SERPINB10: variants seen among roughly 807,000 people sequenced by gnomAD.
The protein encoded by SERPINB10 is serpin family B member 10, also known as serpin B10.
A neutral mutation model predicts 39.1 loss-of-function variants in SERPINB10; 35 were observed. The ratio of observed to expected loss-of-function variants is 0.90; its 90% CI spans 0.68 to 1.19. The LOEUF is 1.19. Ranked by LOEUF, SERPINB10 falls within the 50% of genes most tolerant of loss-of-function variation. The probability of loss-of-function intolerance (pLI) is 0.00; values close to 1 mark genes in which losing one functional copy is unlikely to be tolerated. For synonymous variants in SERPINB10, 190 were observed against 158.1 expected (o/e 1.20, Z -1.52); for missense variants, 546 against 460.5 (o/e 1.19, Z -1.70).
Position 63,919,795 on chromosome 18 carries a change from T to G in SERPINB10, c.380T>G (p.Leu127Ter). 1 of 1,590,524 alleles carries G rather than the reference T, an allele frequency of 6.3e-7. No homozygotes were observed. The highest frequency in any genetic ancestry group is 8.6e-7 in the Non-Finnish European group (1 of 1,166,428). ...TTTATCTATGTCTTTCAGAAATATT[T>G]AGAAGACATGAAAACATATTTTGGT... Reference protein sequence around the residue: ...EKTYAFHNKYLEDMKTYFGAE... With the variant: ...EKTYAFHNKY Residue 127 changes from leucine to a stop codon, truncating the protein, a stop_gained, in exon 5 of 8, where the codon TTA becomes TGA. Transcript: ENST00000238508. LOFTEE classifies it high-confidence loss of function.
intron 5 of SERPINB10, among the ~76,000 whole-genome samples, chr18:63,929,302 A>C (rs545065477): frequency 4.1e-4 from 62 of 152,264 alleles, no homozygotes; most frequent in Middle Eastern, 3.4e-3. Context: ...AGAAATTTAA[A>C]ATTTTTGGCA....
At position 63,919,236 on chromosome 18, in the gene SERPINB10, A is replaced by ATTTTTTTTT. The variant is rs397969917; in HGVS notation, c.373-546_373-538dup. Among the ~76,000 whole-genome samples the ATTTTTTTTT allele has an allele frequency of 4.2e-5, 6 of 142,902 alleles. 1 individual carries two copies. The highest frequency in any genetic ancestry group is 7.0e-5 in the Admixed American group (1 of 14,350). The allele number at this position is 142,902 out of a possible 152,430, so 93.7% of individuals were successfully genotyped here. A position where few individuals can be genotyped will look rare whatever the true frequency, so the allele number is the denominator to read the frequency against. On this transcript the variant is annotated intron_variant, in intron 4 of 7. Coordinates refer to ENST00000238508, the MANE Select transcript of SERPINB10 (RefSeq NM_005024.3). ...AGGACCAGGAGGAGGTGAAGGCCTC[A>ATTTTTTTTT]TTTTTTTTTTTTTTGCCTCAGAATG...
intron 4 of SERPINB10, 119 bp downstream of exon 4, chr18:63,918,221 C>T: frequency 9.8e-7 from 1 of 1,018,940 alleles, no homozygotes; most frequent in South Asian, 1.6e-5. Context: ...TCAGTACTTC[C>T]CTGCAAACAA....
chr18:63,920,849 C>T (rs9947504), intron 5 of SERPINB10, among the ~76,000 whole-genome samples: 39,506 of 151,636 alleles, frequency 0.26, 5,803 homozygotes, highest in African/African-American at 0.39. Flanking sequence ...AGCTGGGTTG[C>T]CATTTGTCAC....
chr18:63,924,216 T>C (rs1237473598), intron 5 of SERPINB10, among the ~76,000 whole-genome samples: 1 of 151,968 alleles, frequency 6.6e-6, no homozygotes, highest in African/African-American at 2.4e-5. Flanking sequence ...CAATAACTTG[T>C]CTATGGTCAC....
Position 63,928,027 on chromosome 18 carries a change from G to A in SERPINB10, c.491-2018G>A, listed in dbSNP as rs185401306. Among the ~76,000 whole-genome samples, 199 of 152,068 alleles carry A rather than the reference G, an allele frequency of 1.3e-3. 2 individuals carry two copies. Among genetic ancestry groups the A allele is most frequent in the Admixed American group, 4.8e-3 (73 of 15,268 alleles). Reference sequence around the variant, plus strand: ...TGTCTGGGGTTGATGCTGTTTCCACGGGAGGTAATCACTTGAGAGTTGTAC... The same window carrying A: ...TGTCTGGGGTTGATGCTGTTTCCACAGGAGGTAATCACTTGAGAGTTGTAC... On this transcript the variant is annotated intron_variant, in intron 5 of 7. Transcript: ENST00000238508.
At chr18:63,918,762 A>T (rs556001742) in intron 4 of SERPINB10, among the ~76,000 whole-genome samples, 1 of 152,124 alleles carries the variant, frequency 6.6e-6, no homozygotes, top group East Asian at 1.9e-4. Flanking sequence ...GAGCTTTGTT[A>T]TTACTAAAGA....
chr18:63,922,055 T>C (rs993473359), intron 5 of SERPINB10, among the ~76,000 whole-genome samples: 8 of 151,952 alleles, frequency 5.3e-5, no homozygotes, highest in Non-Finnish European at 1.0e-4. Context: ...CAAAACTAAC[T>C]GCTTATACAT....
chr18:63,930,090 C>T lies in SERPINB10; in HGVS notation c.536C>T (p.Thr179Ile), dbSNP rs1303041165. 1.9e-6 allele frequency: 3 copies of T among 1,613,348 alleles called. No individual in the cohort carries two copies. The highest frequency in any genetic ancestry group is 2.7e-5 in the African/African-American group (2 of 74,882). ...LLPDDSVDST[T>I]RMILVNALYF... The stretch of plus-strand genomic sequence containing the variant: ...CCTGATGACTCTGTGGATTCCACAA[C>T]CAGGATGATTCTGGTGAACGCCCTA... The change falls in exon 6 of 8, where the codon ACC becomes ATC. Residue 179 changes from threonine to isoleucine, a missense_variant. By Grantham distance (89) the Thr-to-Ile change is moderately conservative. Transcript: ENST00000238508.
rs368519005 is a variant in SERPINB10, at chr18:63,915,475, C to G, written c.-9-27C>G. 95 of 1,511,586 alleles carry G rather than the reference C, an allele frequency of 6.3e-5. No individual in the cohort carries two copies. In the African/African-American group the frequency reaches 1.3e-3, roughly 20 times the overall value. The allele number at this position is 1,511,586 out of a possible 1,614,324, so 93.6% of individuals were successfully genotyped here. ...AAGTGGAAATAAATATTAATATGCTCTCTAATTTTTGCTTTATTTTTCTTA... is the reference window on the plus strand; with the variant it reads ...AAGTGGAAATAAATATTAATATGCTGTCTAATTTTTGCTTTATTTTTCTTA... On this transcript the variant is annotated intron_variant, in intron 1 of 7. Coordinates refer to ENST00000238508, the MANE Select transcript of SERPINB10 (RefSeq NM_005024.3).
chr18:63,917,314 T>G (rs1054746846), intron 2 of SERPINB10, 142 bp from the exon 3 acceptor site: 4 of 447,570 alleles, frequency 8.9e-6, no homozygotes, highest in Non-Finnish European at 1.6e-5. Context: ...TTACACACAT[T>G]AAGTCAAGTC....
rs57763825 is a variant in SERPINB10 at position 63,933,796 on chromosome 18, G to T, written c.789+593G>T. Among the ~76,000 whole-genome samples, 864 of 152,292 alleles carry T rather than the reference G, an allele frequency of 5.7e-3. 5 individuals are homozygous for T. Among genetic ancestry groups the T allele is most frequent in the African/African-American group, 0.02 (829 of 41,562 alleles). ...CTGGACACAACTTTTGTCAAACCAT[G>T]CTTCTGAGCAATTTGCATGCCTAAA... On this transcript the variant is annotated intron_variant, in intron 7 of 7. Transcript: ENST00000238508.
chr18:63,917,551 T>C, intron 3 of SERPINB10, 30 bp downstream of exon 3: 1 of 1,280,780 alleles, frequency 7.8e-7, no homozygotes, highest in Non-Finnish European at 1.1e-6. Flanking sequence ...ATATATTTCA[T>C]AATTAAGGAA....
At chr18:63,929,712 C>CAAAAAAAAAAAAAAAAAAAAAAGAA (rs74169990) in intron 5 of SERPINB10, among the ~76,000 whole-genome samples, 1 of 97,348 alleles carries the variant, frequency 1.0e-5, no homozygotes, top group Non-Finnish European at 2.5e-5. Context: ...AGCTAAAGTG[C>CAAAAAAAAAAAAAAAAAAAAAAGAA]AAAAAAAAAA....
intron 1 of SERPINB10, among the ~76,000 whole-genome samples, chr18:63,910,978 A>T (rs147991627): frequency 2.0e-5 from 3 of 151,932 alleles, no homozygotes; most frequent in Non-Finnish European, 2.9e-5. Flanking sequence ...CTTCTTAATA[A>T]TAGCCATTCT....
intron 1 of SERPINB10, among the ~76,000 whole-genome samples, chr18:63,912,547 GT>G: frequency 6.6e-6 from 1 of 152,020 alleles, no homozygotes; most frequent in South Asian, 2.1e-4. Context: ...ATGATCAGAT[GT>G]TTTTTGTTTT....
At chr18:63,908,272 A>C (rs768560935) in intron 1 of SERPINB10, among the ~76,000 whole-genome samples, 9 of 152,076 alleles carry the variant, frequency 5.9e-5, no homozygotes, top group Non-Finnish European at 8.8e-5. Flanking sequence ...TTCCCAAAAA[A>C]AGTTAGAGAA....
chr18:63,918,927 C>G (rs1320703725), intron 4 of SERPINB10, among the ~76,000 whole-genome samples: 2 of 151,736 alleles, frequency 1.3e-5, no homozygotes, highest in Non-Finnish European at 2.9e-5. Context: ...TTTATATGTC[C>G]ACAAGCCCTG....
intron 1 of SERPINB10, among the ~76,000 whole-genome samples, chr18:63,908,999 A>G (rs933228864): frequency 3.2e-4 from 48 of 152,196 alleles, no homozygotes; most frequent in African/African-American, 1.2e-3. Context: ...CCTTTGCTCA[A>G]TCAACCTCTC....
Sources: allele counts gnomAD v4.1 joint callset (sites outside exome capture counted in the v4.1 genomes callset), GRCh38; gene constraint gnomAD v4.1.1; transcripts MANE v1.5; gene names NCBI Gene and HGNC (gene_info 2026-07-23, HGNC 2026-07-21).